WDR27: variants seen among roughly 807,000 people sequenced by gnomAD.
WDR27 encodes the protein WD repeat-containing protein 27.
In WDR27, 100 loss-of-function variants were observed where a neutral mutation model predicts 114.4. The observed-to-expected ratio is 0.87, with a 90% confidence interval of 0.74 to 1.03. WDR27 has a LOEUF of 1.03. WDR27 is among the 50% of genes least tolerant of loss of function. The pLI, the probability that WDR27 is intolerant of heterozygous loss-of-function variation, is 0.00. For synonymous variants in WDR27, 449 were observed against 423.1 expected (o/e 1.06, Z -0.75); for missense variants, 1,129 against 1,092.9 (o/e 1.03, Z -0.47).
intron 25 of WDR27, among the ~76,000 whole-genome samples, chr6:169,486,799 G>C (rs1192671727): frequency 6.6e-6 from 1 of 152,198 alleles, no homozygotes; most frequent in Non-Finnish European, 1.5e-5. Context: ...CAGAAGGCAA[G>C]TTTTTAAAGC....
chr6:169,509,492 T>C (rs1408228585), intron 25 of WDR27, among the ~76,000 whole-genome samples: 1 of 151,954 alleles, frequency 6.6e-6, no homozygotes, highest in Admixed American at 6.6e-5. Flanking sequence ...TACAACTATC[T>C]GATCTTTGAC....
At chr6:169,550,468 G>A (rs1797950756) in intron 25 of WDR27, among the ~76,000 whole-genome samples, 1 of 152,060 alleles carries the variant, frequency 6.6e-6, no homozygotes, top group African/African-American at 2.4e-5. Flanking sequence ...CACCCAGGCT[G>A]GAGTGCAGTG....
intron 22 of WDR27, among the ~76,000 whole-genome samples, chr6:169,606,567 G>A (rs1809232352): frequency 6.6e-6 from 1 of 152,142 alleles, no homozygotes; most frequent in South Asian, 2.1e-4. Context: ...TGCAGTGTTT[G>A]GTTTTATGTT....
intron 2 of WDR27, among the ~76,000 whole-genome samples, chr6:169,677,051 T>C (rs1351073831): frequency 6.6e-6 from 1 of 152,046 alleles, no homozygotes; most frequent in Non-Finnish European, 1.5e-5. Context: ...TACCAAGAAG[T>C]GGGGCACTGC....
At chr6:169,445,029 C>T in the WDR27 span, among the ~76,000 whole-genome samples, 1 of 152,116 alleles carries the variant, frequency 6.6e-6, no homozygotes, top group Non-Finnish European at 1.5e-5. Context: ...GTCTGGCACA[C>T]AGGATGGGAT....
chr6:169,578,351 G>A (rs1802796495), intron 24 of WDR27, among the ~76,000 whole-genome samples: 1 of 152,214 alleles, frequency 6.6e-6, no homozygotes, highest in South Asian at 2.1e-4. Context: ...TTATGAATGT[G>A]AGAGGCCAGA....
At chr6:169,441,662 T>C in the WDR27 span, among the ~76,000 whole-genome samples, 1 of 152,240 alleles carries the variant, frequency 6.6e-6, no homozygotes, top group Non-Finnish European at 1.5e-5. Context: ...TTACCCACTC[T>C]TGTCACTCAC....
At chr6:169,476,678 TTTTAG>T (rs574507389) in intron 25 of WDR27, among the ~76,000 whole-genome samples, 42 of 152,214 alleles carry the variant, frequency 2.8e-4, no homozygotes, top group African/African-American at 7.2e-4. Flanking sequence ...GGCTATTTTT[TTTTAG>T]TTAAGTTCCT....
In WDR27 at chr6:169,528,494, C is replaced by T. The variant is rs1274597948; in HGVS notation, c.2645+43925G>A. On this transcript the variant is annotated intron_variant, in intron 25 of 25. Coordinates refer to ENST00000448612, the MANE Select transcript of WDR27 (RefSeq NM_182552.5). ...CCTAGGCCCATCCAGCCTGGGCAAA[C>T]AACTGTGATTTGTGTTAACAAACAT... Among the ~76,000 whole-genome samples, 6 of 152,286 alleles carry T rather than the reference C, an allele frequency of 3.9e-5. No individual in the cohort carries two copies. The Middle Eastern group carries it at 0.02, about 518-fold the overall frequency.
chr6:169,670,535 C>G, intron 4 of WDR27, 34 bp downstream of exon 4: 1 of 1,613,604 alleles, frequency 6.2e-7, no homozygotes, highest in Non-Finnish European at 8.5e-7. Flanking sequence ...TCAGCTAAAC[C>G]CTTCCGTGAA....
At chr6:169,667,115 A>G (rs763509181) in intron 6 of WDR27, 21 bp downstream of exon 6, 54 of 1,502,178 alleles carry the variant, frequency 3.6e-5, no homozygotes, top group Middle Eastern at 3.4e-4. Flanking sequence ...TTTACAGAAA[A>G]CATGAAAGTT....
chr6:169,449,807 C>T, the WDR27 span, among the ~76,000 whole-genome samples: 3 of 152,126 alleles, frequency 2.0e-5, no homozygotes, highest in East Asian at 3.9e-4. Flanking sequence ...CACACCAAAG[C>T]GTATGTCCAT....
At chr6:169,489,679 C>G (rs1019735715) in intron 25 of WDR27, among the ~76,000 whole-genome samples, 7 of 152,194 alleles carry the variant, frequency 4.6e-5, no homozygotes, top group African/African-American at 1.2e-4. Flanking sequence ...TGGTCAGATC[C>G]CGCTCCAGAT....
chr6:169,552,627 A>G (rs1264966952), intron 25 of WDR27, among the ~76,000 whole-genome samples: 1 of 152,250 alleles, frequency 6.6e-6, no homozygotes, highest in African/African-American at 2.4e-5. Flanking sequence ...GCCAGGTTCC[A>G]CTGAAGAAAG....
chr6:169,542,395 A>T (rs1796942776), intron 25 of WDR27, among the ~76,000 whole-genome samples: 1 of 152,068 alleles, frequency 6.6e-6, no homozygotes, highest in Admixed American at 6.6e-5. Flanking sequence ...CCAAAAAAAT[A>T]TCTAATTATA....
At chr6:169,560,399 C>T (rs1044965281) in intron 25 of WDR27, among the ~76,000 whole-genome samples, 1 of 152,194 alleles carries the variant, frequency 6.6e-6, no homozygotes, top group Non-Finnish European at 1.5e-5. Flanking sequence ...ATAAAATGGA[C>T]CAATACAACC....
intron 12 of WDR27, among the ~76,000 whole-genome samples, chr6:169,658,714 C>T (rs1366619883): frequency 9.4e-5 from 14 of 148,722 alleles, no homozygotes; most frequent in Admixed American, 8.7e-4. Context: ...GATGGAGTCT[C>T]GCTCTGTCAC....
rs60501000 is a variant in WDR27, at chr6:169,638,322, CAAAAAAAAAAAA to C, written c.1869+205_1869+216del. On this transcript the variant is annotated intron_variant, in intron 18 of 25. Coordinates refer to ENST00000448612, the MANE Select transcript of WDR27 (RefSeq NM_182552.5). The stretch of plus-strand genomic sequence containing the variant: ...TGGGCGACAGAGCGAGACTCCGTCT[CAAAAAAAAAAAA>C]AAAAAAAAAAAAAAAAAGAAACTAA... 4.7e-3 allele frequency among the ~76,000 whole-genome samples: 52 copies of C among 11,064 alleles called. 12 individuals are homozygous for C. The highest frequency in any genetic ancestry group is 9.4e-3 in the African/African-American group (44 of 4,662). 7.3% of individuals were successfully genotyped at this position (11,064 alleles called of 152,430 possible).
At chr6:169,610,193 C>T (rs1419217031) in intron 22 of WDR27, among the ~76,000 whole-genome samples, 1 of 152,210 alleles carries the variant, frequency 6.6e-6, no homozygotes, top group Non-Finnish European at 1.5e-5. Flanking sequence ...CTGTTCCAAC[C>T]TCTGCCTGTT....
Sources: gnomAD v4.1 joint callset for allele counts (sites outside exome capture counted in the v4.1 genomes callset) on GRCh38, gnomAD v4.1.1 for gene constraint, MANE v1.5 for transcripts, NCBI Gene and HGNC (gene_info 2026-07-23, HGNC 2026-07-21) for gene names.